Variants in CRYBA4 observed in about 807,000 individuals in gnomAD.
CRYBA4 encodes crystallin beta A4, also known as beta-crystallin A4.
In CRYBA4, 30 loss-of-function variants were observed where a neutral mutation model predicts 31.7. The observed-to-expected ratio is 0.95, with a 90% CI of 0.71 to 1.28. The LOEUF (loss-of-function observed/expected upper bound fraction) is 1.28, where lower values mean the gene tolerates loss of function less well. Among genes scored for constraint, CRYBA4 ranks in the 50% most tolerant of loss-of-function variants. The pLI, the probability that CRYBA4 is intolerant of heterozygous loss-of-function variation, is 0.00. For missense variants in CRYBA4, 225 were observed against 260.7 expected (o/e 0.86, Z 0.94); for synonymous variants, 102 against 102.3 (o/e 1.00, Z 0.02).
the CRYBA4 span, among the ~76,000 whole-genome samples, chr22:26,608,577 G>T: frequency 3.3e-5 from 5 of 152,284 alleles, no homozygotes; most frequent in Admixed American, 3.3e-4. Context: ...ATTTTGTATG[G>T]ATACCTTTTA....
At chr22:26,611,218 A>G in the CRYBA4 span, among the ~76,000 whole-genome samples, 1 of 151,928 alleles carries the variant, frequency 6.6e-6, no homozygotes, top group Non-Finnish European at 1.5e-5. Flanking sequence ...TGGGTAAGAG[A>G]CTCACCCCCT....
chr22:26,590,744 C>A, the CRYBA4 span, among the ~76,000 whole-genome samples: 1 of 152,028 alleles, frequency 6.6e-6, no homozygotes, highest in African/African-American at 2.4e-5. Flanking sequence ...ATAGGACACC[C>A]TTTCCACCCC....
At chr22:26,609,000 G>A in the CRYBA4 span, among the ~76,000 whole-genome samples, 27,049 of 152,202 alleles carry the variant, frequency 0.18, 3,168 homozygotes, top group South Asian at 0.38. Flanking sequence ...AGGGACCAGG[G>A]ATTGTGGCAG....
chr22:26,604,897 A>G, the CRYBA4 span, among the ~76,000 whole-genome samples: 1 of 152,088 alleles, frequency 6.6e-6, no homozygotes, highest in Non-Finnish European at 1.5e-5. Context: ...GTCAAGACTG[A>G]ACTTGCCACC....
the CRYBA4 span, among the ~76,000 whole-genome samples, chr22:26,591,567 C>T: frequency 6.6e-6 from 1 of 150,942 alleles, no homozygotes; most frequent in African/African-American, 2.4e-5. Context: ...ATGGTGAAAC[C>T]CTGTTTCTAC....
chr22:26,590,775 C>A, the CRYBA4 span, among the ~76,000 whole-genome samples: 85 of 151,680 alleles, frequency 5.6e-4, no homozygotes, highest in Non-Finnish European at 7.2e-4. Flanking sequence ...ACTACCCCCC[C>A]AAAAAAAACC....
the CRYBA4 span, among the ~76,000 whole-genome samples, chr22:26,614,514 A>G: frequency 7.2e-5 from 11 of 152,206 alleles, no homozygotes; most frequent in African/African-American, 2.7e-4. Flanking sequence ...GAGCAAAGCT[A>G]GCAACCACTG....
the CRYBA4 span, among the ~76,000 whole-genome samples, chr22:26,598,926 G>A: frequency 1.3e-5 from 2 of 152,208 alleles, no homozygotes; most frequent in African/African-American, 4.8e-5. Flanking sequence ...GAGCCAGACA[G>A]CCTGAATTCA....
chr22:26,593,454 A>G, the CRYBA4 span, among the ~76,000 whole-genome samples: 1 of 151,918 alleles, frequency 6.6e-6, no homozygotes, highest in Admixed American at 6.6e-5. Context: ...CCTGGGCAAC[A>G]TGGTGAGACC....
Position 26,626,867 on chromosome 22 carries a change from G to A in CRYBA4, c.300+1245G>A, listed in dbSNP as rs572779158. On this transcript the variant is annotated intron_variant, in intron 4 of 5. Coordinates refer to ENST00000354760, the MANE Select transcript of CRYBA4 (RefSeq NM_001886.3). ...ATAATCTATATATCTTATCTATATT[G>A]CACACATAATTTTGTCATAAAATTG... is the stretch of plus-strand genomic sequence containing the variant. 1.6e-3 allele frequency among the ~76,000 whole-genome samples: 244 copies of A among 152,024 alleles called. 2 individuals are homozygous for A. Among genetic ancestry groups the A allele is most frequent in the African/African-American group, 5.8e-3 (240 of 41,448 alleles).
chr22:26,612,289 A>G, the CRYBA4 span: 3 of 773,832 alleles, frequency 3.9e-6, no homozygotes, highest in African/African-American at 5.2e-5. Flanking sequence ...CAGGAGTCAC[A>G]TAAAAGTGTG....
the CRYBA4 span, among the ~76,000 whole-genome samples, chr22:26,603,905 CAG>C: frequency 2.6e-5 from 4 of 152,148 alleles, no homozygotes; most frequent in African/African-American, 9.7e-5. Flanking sequence ...GCCTGGGTGA[CAG>C]AGCAAGACTC....
intron 3 of CRYBA4, among the ~76,000 whole-genome samples, chr22:26,624,292 C>T (rs1442646915): frequency 2.2e-5 from 3 of 138,298 alleles, no homozygotes; most frequent in East Asian, 2.1e-4. Context: ...GAAAGTAGAT[C>T]GAAAGGAGAT....
In CRYBA4 at chr22:26,628,364, A is replaced by C. The variant is rs769169323; in HGVS notation, c.377A>C (p.Tyr126Ser). Reference sequence around the variant, plus strand: ...AAGAAAGGAGAGCTGAGCGATGACTATCCTTCCCTCCAGGCCATGGGATGG... The same window carrying C: ...AAGAAAGGAGAGCTGAGCGATGACTCTCCTTCCCTCCAGGCCATGGGATGG... ...LGKKGELSDD[Y>S]PSLQAMGWEG... Residue 126 changes from tyrosine (Y) to serine (S), a missense_variant, in exon 5 of 6, where the codon TAT becomes TCT. By Grantham distance (144) the Tyr-to-Ser change is moderately radical (BLOSUM62 -2). Transcript: ENST00000354760. 3 of 1,614,022 alleles carry C rather than the reference A, an allele frequency of 1.9e-6. No homozygotes were observed. The highest frequency in any genetic ancestry group is 2.7e-5 in the African/African-American group (2 of 74,996).
intron 3 of CRYBA4, among the ~76,000 whole-genome samples, chr22:26,625,145 C>T (rs944382852): frequency 1.3e-5 from 2 of 152,156 alleles, no homozygotes; most frequent in Non-Finnish European, 2.9e-5. Context: ...AAGCAGTTTC[C>T]CTACCTATGG....
chr22:26,603,934 C>G, the CRYBA4 span, among the ~76,000 whole-genome samples: 1 of 152,106 alleles, frequency 6.6e-6, no homozygotes, highest in South Asian at 2.1e-4. Flanking sequence ...AAAAAACAAA[C>G]AAACAAACAA....
upstream of CRYBA4, among the ~76,000 whole-genome samples, chr22:26,619,226 A>T (rs1256790872): frequency 6.6e-6 from 1 of 152,194 alleles, no homozygotes; most frequent in Non-Finnish European, 1.5e-5. Context: ...AGAGAGGTGG[A>T]GACAGAGACA....
the CRYBA4 span, among the ~76,000 whole-genome samples, chr22:26,608,743 G>C: frequency 1.3e-5 from 2 of 152,102 alleles, no homozygotes; most frequent in Admixed American, 6.5e-5. Context: ...ATTGATACAG[G>C]TGTTTGCATC....
chr22:26,596,378 T>G, the CRYBA4 span, among the ~76,000 whole-genome samples: 1 of 152,230 alleles, frequency 6.6e-6, no homozygotes, highest in Non-Finnish European at 1.5e-5. Context: ...ATTACAGGCA[T>G]GAACCACTGT....
Sources: allele counts gnomAD v4.1 joint callset (sites outside exome capture counted in the v4.1 genomes callset), GRCh38; gene constraint gnomAD v4.1.1; transcripts MANE v1.5; gene names NCBI Gene and HGNC (gene_info 2026-07-23, HGNC 2026-07-21).